The following THAP4 variants were observed in gnomAD, a reference collection of about 807,000 sequenced individuals.
THAP4 encodes the protein THAP domain containing 4.
In THAP4, 18 loss-of-function variants were observed where a neutral mutation model predicts 48.1. The observed-to-expected ratio is 0.37, with a 90% CI of 0.26 to 0.56. THAP4 has a LOEUF of 0.56. Ranked by LOEUF, THAP4 falls within the 20% of genes least tolerant of loss-of-function variation. The pLI is 0.78. For missense variants in THAP4, 656 were observed against 774.9 expected, an observed-to-expected ratio of 0.85 and a Z score of 1.82; for synonymous variants, 345 against 324.9, an observed-to-expected ratio of 1.06 and a Z score of -0.66.
intron 2 of THAP4, among the ~76,000 whole-genome samples, chr2:241,620,835 A>G (rs867923875): frequency 1.4e-4 from 21 of 152,138 alleles, no homozygotes; most frequent in African/African-American, 4.6e-4. Flanking sequence ...TCTCAGCTCC[A>G]TTATAATCTT....
chr2:241,602,286 CAT>C (rs1256198901), intron 4 of THAP4: 1 of 449,572 alleles, frequency 2.2e-6, no homozygotes, highest in African/African-American at 1.9e-5. Flanking sequence ...ACCCCTAGCA[CAT>C]ACAGTGGCAG....
chr2:241,601,692 C>A lies in THAP4; in HGVS notation c.1614+204G>T, dbSNP rs1175956425. On this transcript the variant is annotated intron_variant, in intron 5 of 5. Coordinates refer to ENST00000407315, the MANE Select transcript of THAP4 (RefSeq NM_015963.6). The surrounding 1 kb of genome is among the most constrained non-coding windows in gnomAD (Gnocchi z 4.0). ...AACAACAAACCTCAAAAAAACCACA[C>A]CACTGACCAGCCGAGGAGGGGGCAA... is the stretch of plus-strand genomic sequence containing the variant. 8 of 925,054 alleles carry A rather than the reference C, an allele frequency of 8.6e-6. No homozygotes were observed. Among genetic ancestry groups the A allele is most frequent in the East Asian group, 2.7e-5 (1 of 37,436 alleles). The allele number at this position is 925,054 out of a possible 1,614,324, so 57.3% of individuals were successfully genotyped here. A position where few individuals can be genotyped will look rare whatever the true frequency, so the allele number is the denominator to read the frequency against.
chr2:241,589,733 A>C (rs1483822600), intron 5 of THAP4, among the ~76,000 whole-genome samples: 1 of 152,184 alleles, frequency 6.6e-6, no homozygotes, highest in Non-Finnish European at 1.5e-5. Context: ...AGGTCTACAC[A>C]TGCTTACAGC....
chr2:241,617,252 C>T (rs182484176), intron 2 of THAP4, among the ~76,000 whole-genome samples: 1 of 152,274 alleles, frequency 6.6e-6, no homozygotes, highest in African/African-American at 2.4e-5. Context: ...TCACTTTCCA[C>T]CTCTTTAAAT....
chr2:241,632,774 G>T (rs772107894), intron 2 of THAP4, 143 bp downstream of exon 2: 14 of 636,874 alleles, frequency 2.2e-5, no homozygotes, highest in Non-Finnish European at 3.7e-5. Flanking sequence ...CATCCACAAG[G>T]TATGGTTACG....
intron 1 of THAP4, among the ~76,000 whole-genome samples, chr2:241,636,150 G>A (rs1297068191): frequency 6.6e-6 from 1 of 152,190 alleles, no homozygotes; most frequent in Admixed American, 6.5e-5. Flanking sequence ...ATAATACATT[G>A]TAATGATTTA....
chr2:241,611,873 G>A (rs753212769), intron 2 of THAP4, among the ~76,000 whole-genome samples: 3 of 152,122 alleles, frequency 2.0e-5, no homozygotes, highest in Non-Finnish European at 4.4e-5. Flanking sequence ...AACAAGAGCA[G>A]CAAAACATAC....
chr2:241,595,528 T>C (rs2067036674), intron 5 of THAP4, among the ~76,000 whole-genome samples: 1 of 151,216 alleles, frequency 6.6e-6, no homozygotes, highest in East Asian at 2.0e-4. Context: ...TCCCAGCTAC[T>C]CGGGAGGCTG....
chr2:241,619,283 G>A (rs542284193), intron 2 of THAP4, among the ~76,000 whole-genome samples: 1 of 152,346 alleles, frequency 6.6e-6, no homozygotes, highest in East Asian at 1.9e-4. Flanking sequence ...GTGCCAGCCA[G>A]GTTAAGGGGA....
chr2:241,612,895 T>C lies in THAP4; in HGVS notation c.1241-6422A>G, dbSNP rs761249948. Among the ~76,000 whole-genome samples, 1 of 152,186 alleles carries C rather than the reference T, an allele frequency of 6.6e-6. No homozygotes were observed. The highest frequency in any genetic ancestry group is 1.5e-5 in the Non-Finnish European group (1 of 68,034). ...TGAGCTGGCTCACTGACACGTGCAG[T>C]GAGTGCGAGCTACAAACTAGATTCC... On this transcript the variant is annotated intron_variant, in intron 2 of 5. Transcript: ENST00000407315. The surrounding 1 kb of genome is among the most constrained non-coding windows in gnomAD (Gnocchi z 4.1).
intron 2 of THAP4, among the ~76,000 whole-genome samples, chr2:241,619,236 G>C (rs2067381638): frequency 1.3e-5 from 2 of 152,240 alleles, no homozygotes; most frequent in South Asian, 4.1e-4. Flanking sequence ...GACACTCGAG[G>C]AATTTTACAG....
At chr2:241,611,673 G>A (rs1484883045) in intron 2 of THAP4, among the ~76,000 whole-genome samples, 6 of 150,116 alleles carry the variant, frequency 4.0e-5, no homozygotes, top group South Asian at 2.1e-4. Flanking sequence ...GCAGTGAGCC[G>A]AGATTGTGCC....
intron 5 of THAP4, among the ~76,000 whole-genome samples, chr2:241,599,259 A>T (rs2067085204): frequency 6.6e-6 from 1 of 152,090 alleles, no homozygotes; most frequent in East Asian, 1.9e-4. Flanking sequence ...CTCAAAAAAA[A>T]AAAAAAGCTA....
At chr2:241,600,158 T>C (rs2067094830) in intron 5 of THAP4, among the ~76,000 whole-genome samples, 1 of 152,074 alleles carries the variant, frequency 6.6e-6, no homozygotes, top group Non-Finnish European at 1.5e-5. Context: ...ATTGTGCCAC[T>C]GCACTCCAGC....
chr2:241,611,739 A>G lies in THAP4; in HGVS notation c.1241-5266T>C, dbSNP rs923075232. Among the ~76,000 whole-genome samples, 169 of 152,042 alleles carry G rather than the reference A, an allele frequency of 1.1e-3. 1 individual carries two copies. The highest frequency in any genetic ancestry group is 3.7e-3 in the African/African-American group (152 of 41,480). ...ACTCTGTCTCCAAAAAAAAAAAAAA[A>G]AAAATTAAGAAAGAAAGGCATGCTG... On this transcript the variant is annotated intron_variant, in intron 2 of 5. Coordinates refer to ENST00000407315, the MANE Select transcript of THAP4 (RefSeq NM_015963.6).
Position 241,584,564 on chromosome 2 carries a change from C to A in THAP4, c.*42G>T. ...CTGTTGAGGAGCCGAACCGTTGAGG[C>A]ACAGTAGCCAGGCCCTCCCGAGGGC... is the stretch of plus-strand genomic sequence containing the variant. On this transcript the variant is annotated 3_prime_UTR_variant, in exon 6 of 6. Coordinates refer to ENST00000407315, the MANE Select transcript of THAP4 (RefSeq NM_015963.6). 3 of 1,612,858 alleles carry A rather than the reference C, an allele frequency of 1.9e-6. No homozygotes were observed. Among genetic ancestry groups the A allele is most frequent in the Non-Finnish European group, 2.5e-6 (3 of 1,179,086 alleles).
intron 5 of THAP4, chr2:241,592,400 C>T (rs1266086015): frequency 1.3e-5 from 2 of 152,390 alleles, no homozygotes; most frequent in African/African-American, 2.4e-5. Flanking sequence ...TCTTCCAACA[C>T]ACTCAGTTCT....
intron 2 of THAP4, among the ~76,000 whole-genome samples, chr2:241,627,767 G>A (rs1013690207): frequency 2.0e-5 from 3 of 152,184 alleles, no homozygotes; most frequent in Non-Finnish European, 4.4e-5. Flanking sequence ...CCCAGGGAGA[G>A]GATGTCCTCT....
intron 2 of THAP4, chr2:241,617,482 G>A (rs936558522): frequency 1.3e-6 from 2 of 1,548,154 alleles, no homozygotes; most frequent in African/African-American, 2.7e-5. Flanking sequence ...CAATTGACGG[G>A]AAATGTTTGC....
Sources: allele counts gnomAD v4.1 joint callset (sites outside exome capture counted in the v4.1 genomes callset), GRCh38; gene constraint gnomAD v4.1.1; non-coding constraint Gnocchi (gnomAD v3.1); transcripts MANE v1.5; gene names NCBI Gene and HGNC (gene_info 2026-07-23, HGNC 2026-07-21).